The following PPME1 variants were observed in gnomAD, a reference collection of about 807,000 sequenced individuals.
PPME1 encodes protein phosphatase methylesterase 1.
A neutral mutation model predicts 56.9 loss-of-function variants in PPME1; 17 were observed. The ratio of observed to expected loss-of-function variants is 0.30; its 90% confidence interval spans 0.20 to 0.45. The LOEUF (loss-of-function observed/expected upper bound fraction) is 0.45, where lower values mean the gene tolerates loss of function less well. PPME1 is among the 20% of genes least tolerant of loss of function. The probability of loss-of-function intolerance (pLI) is 1.00; values close to 1 mark genes in which losing one functional copy is unlikely to be tolerated. For missense variants in PPME1, 357 were observed against 483.2 expected (o/e 0.74, Z 2.45); for synonymous variants, 122 against 156.2 (o/e 0.78, Z 1.63).
chr11:74,244,049 CT>C (rs1226062860), intron 9 of PPME1, among the ~76,000 whole-genome samples: 1 of 152,130 alleles, frequency 6.6e-6, no homozygotes, highest in African/African-American at 2.4e-5. Flanking sequence ...TTGTGACTGG[CT>C]TATGTCACTT....
At chr11:74,200,715 G>A (rs567998157) in intron 1 of PPME1, among the ~76,000 whole-genome samples, 2 of 152,130 alleles carry the variant, frequency 1.3e-5, no homozygotes, top group Admixed American at 1.3e-4. Flanking sequence ...TGTTAGGGGT[G>A]TGCTAGAAAA....
chr11:74,194,267 A>G (rs1446967045), intron 1 of PPME1, among the ~76,000 whole-genome samples: 1 of 151,866 alleles, frequency 6.6e-6, no homozygotes, highest in Admixed American at 6.6e-5. Flanking sequence ...CCTTTCACTG[A>G]GCTTATGATT....
At position 74,253,630 on chromosome 11, in the gene PPME1, T is replaced by TA. The variant is rs1218213987; in HGVS notation, c.*121dup. The TA allele has an allele frequency of 8.7e-7, 1 of 1,147,254 alleles. No homozygotes were observed. Among genetic ancestry groups the TA allele is most frequent in the Non-Finnish European group, 1.3e-6 (1 of 761,948 alleles). 71.1% of individuals were successfully genotyped at this position (1,147,254 alleles called of 1,614,324 possible). A position where few individuals can be genotyped will look rare whatever the true frequency, so the allele number is the denominator to read the frequency against. On this transcript the variant is annotated 3_prime_UTR_variant, in exon 14 of 14. Transcript: ENST00000328257. ...CCAGCCATGTGACACTGGCTCCCGG[T>TA]AGACGGGCACCCCGAGATGTACCAA...
chr11:74,235,481 T>G (rs1402395714), intron 7 of PPME1, among the ~76,000 whole-genome samples: 1 of 152,152 alleles, frequency 6.6e-6, no homozygotes, highest in Non-Finnish European at 1.5e-5. Flanking sequence ...CCAACCTCTT[T>G]TATTTTCTGG....
intron 1 of PPME1, 133 bp from the exon 2 acceptor site, chr11:74,203,595 T>G: frequency 7.6e-6 from 4 of 523,158 alleles, no homozygotes; most frequent in Non-Finnish European, 1.3e-5. Flanking sequence ...TACTTTGTGA[T>G]GAACTCTTTA....
At chr11:74,245,107 T>C (rs977245434) in intron 9 of PPME1, among the ~76,000 whole-genome samples, 1 of 152,188 alleles carries the variant, frequency 6.6e-6, no homozygotes, top group African/African-American at 2.4e-5. Flanking sequence ...AGCTTTGTAA[T>C]TGGGGAGTGT....
intron 3 of PPME1, among the ~76,000 whole-genome samples, chr11:74,220,414 T>C (rs55814391): frequency 0.037 from 5,601 of 152,284 alleles, 214 homozygotes; most frequent in African/African-American, 0.098. Flanking sequence ...TGTAAATAAC[T>C]TGAATCAGAA....
chr11:74,235,687 C>A, intron 7 of PPME1: 1 of 648,552 alleles, frequency 1.5e-6, no homozygotes, highest in South Asian at 2.3e-5. Flanking sequence ...TAAATATCTG[C>A]AGAACTGAAA....
Position 74,199,444 on chromosome 11 carries a change from T to C in PPME1, c.102-4284T>C, listed in dbSNP as rs571099783. Among the ~76,000 whole-genome samples the C allele has an allele frequency of 7.2e-4, 109 of 152,314 alleles. 1 individual carries two copies. The highest frequency in any genetic ancestry group is 2.5e-3 in the African/African-American group (105 of 41,576). On this transcript the variant is annotated intron_variant, in intron 1 of 13. Transcript: ENST00000328257. ...CCTTATACACGTAATAGGTTCTTAG[T>C]AAATATTTTTTGAATGAATTAATCC... is the stretch of plus-strand genomic sequence containing the variant.
chr11:74,235,991 T>TC (rs755289822), intron 8 of PPME1, 25 bp downstream of exon 8: 1 of 1,608,368 alleles, frequency 6.2e-7, no homozygotes. Flanking sequence ...TCCCCCTTGG[T>TC]CTGGTTAGAG....
intron 1 of PPME1, among the ~76,000 whole-genome samples, chr11:74,182,727 A>G (rs1857572305): frequency 6.6e-6 from 1 of 152,210 alleles, no homozygotes; most frequent in Non-Finnish European, 1.5e-5. Context: ...ATCAAAATTT[A>G]CAAAACGTAT....
intron 3 of PPME1, among the ~76,000 whole-genome samples, chr11:74,211,347 CAAAA>C (rs371455736): frequency 0.012 from 1,750 of 147,514 alleles, 30 homozygotes; most frequent in African/African-American, 0.042. Flanking sequence ...TGAAAAAGAG[CAAAA>C]AAAAAGAGCA....
At chr11:74,190,772 A>G (rs1344238324) in intron 1 of PPME1, among the ~76,000 whole-genome samples, 1 of 152,232 alleles carries the variant, frequency 6.6e-6, no homozygotes, top group Non-Finnish European at 1.5e-5. Context: ...AGACTTGGTT[A>G]AATAATTTTG....
At chr11:74,206,211 G>T (rs1313525695) in intron 3 of PPME1, among the ~76,000 whole-genome samples, 1 of 152,056 alleles carries the variant, frequency 6.6e-6, no homozygotes, top group African/African-American at 2.4e-5. Flanking sequence ...AGAATTTTAT[G>T]TATGTATTTA....
At chr11:74,178,286 C>T (rs897297583) in intron 1 of PPME1, among the ~76,000 whole-genome samples, 2 of 152,140 alleles carry the variant, frequency 1.3e-5, no homozygotes. Context: ...TTAATTTTTT[C>T]CCAGAAATGC....
chr11:74,251,143 G>T, intron 12 of PPME1, 125 bp downstream of exon 12: 1 of 1,499,580 alleles, frequency 6.7e-7, no homozygotes. Flanking sequence ...CTATGCAGAT[G>T]CAGTTCCACC....
At chr11:74,212,484 G>C (rs1858505340) in intron 3 of PPME1, among the ~76,000 whole-genome samples, 1 of 152,182 alleles carries the variant, frequency 6.6e-6, no homozygotes, top group African/African-American at 2.4e-5. Context: ...GGAGCCAGTG[G>C]ACTTGAGCAG....
intron 3 of PPME1, among the ~76,000 whole-genome samples, chr11:74,221,940 C>T (rs181354654): frequency 9.2e-5 from 14 of 152,144 alleles, no homozygotes; most frequent in African/African-American, 2.6e-4. Context: ...ACTGACTCAC[C>T]GTCCTTATCT....
chr11:74,190,656 T>C (rs1857811183), intron 1 of PPME1, among the ~76,000 whole-genome samples: 1 of 152,216 alleles, frequency 6.6e-6, no homozygotes, highest in South Asian at 2.1e-4. Context: ...TAAAGATAAC[T>C]GAAAATGTGG....
Sources: allele counts gnomAD v4.1 joint callset (sites outside exome capture counted in the v4.1 genomes callset), GRCh38; gene constraint gnomAD v4.1.1; transcripts MANE v1.5; gene names NCBI Gene and HGNC (gene_info 2026-07-23, HGNC 2026-07-21).